SCMH1: variants seen among roughly 807,000 people sequenced by gnomAD.
SCMH1 encodes the protein Scm polycomb group protein homolog 1.
A neutral mutation model predicts 70.8 loss-of-function variants in SCMH1; 37 were observed. The ratio of observed to expected loss-of-function variants is 0.52; its 90% CI spans 0.40 to 0.69. The LOEUF is 0.69. SCMH1 is among the 30% of genes least tolerant of loss of function. The probability of loss-of-function intolerance (pLI) is 0.00; values close to 1 mark genes in which losing one functional copy is unlikely to be tolerated. For synonymous variants in SCMH1, 292 were observed against 307.4 expected, an observed-to-expected ratio of 0.95 and a Z score of 0.52; for missense variants, 607 against 827.3, an observed-to-expected ratio of 0.73 and a Z score of 3.27.
chr1:41,216,128 A>G (rs1236496894), intron 1 of SCMH1, among the ~76,000 whole-genome samples: 1 of 152,202 alleles, frequency 6.6e-6, no homozygotes, highest in Admixed American at 6.5e-5. Context: ...ACAAATTGAA[A>G]TGACAGCCCT....
intron 12 of SCMH1, chr1:41,041,352 A>G (rs1175397057): frequency 6.6e-6 from 1 of 152,244 alleles, no homozygotes; most frequent in African/African-American, 2.4e-5. Context: ...ATGGTGAAAA[A>G]GATATTGTCT....
At chr1:41,050,607 A>G (rs767194545) in intron 10 of SCMH1, among the ~76,000 whole-genome samples, 16 of 152,324 alleles carry the variant, frequency 1.1e-4, no homozygotes, top group Middle Eastern at 6.8e-3. Context: ...GGTAAACAAG[A>G]TGAATTGAAC....
exon 15 of SCMH1, chr1:41,028,102 CA>C: frequency 6.5e-7 from 1 of 1,539,252 alleles, no homozygotes; most frequent in Non-Finnish European, 8.9e-7. Context: ...CCCGGAACCC[CA>C]CTGAGGTGCC....
chr1:41,167,551 T>C (rs1487869488), intron 2 of SCMH1, among the ~76,000 whole-genome samples: 1 of 152,172 alleles, frequency 6.6e-6, no homozygotes, highest in Non-Finnish European at 1.5e-5. Flanking sequence ...TCATTACTCA[T>C]AACTGGACTA....
intron 8 of SCMH1, among the ~76,000 whole-genome samples, chr1:41,098,450 A>C (rs1665683143): frequency 6.6e-6 from 1 of 152,194 alleles, no homozygotes; most frequent in Admixed American, 6.5e-5. Flanking sequence ...TCCTTACAAC[A>C]ACCCTGTGAG....
At chr1:41,122,604 C>T (rs1404746511) in intron 6 of SCMH1, among the ~76,000 whole-genome samples, 1 of 152,122 alleles carries the variant, frequency 6.6e-6, no homozygotes, top group Non-Finnish European at 1.5e-5. Flanking sequence ...TCCACTTAAT[C>T]CACAAAAACA....
At chr1:41,154,800 A>T (rs1158309846) in intron 4 of SCMH1, among the ~76,000 whole-genome samples, 1 of 152,238 alleles carries the variant, frequency 6.6e-6, no homozygotes, top group Non-Finnish European at 1.5e-5. Flanking sequence ...TTATTCCAAC[A>T]TTATAATTCA....
exon 13 of SCMH1, chr1:41,037,431 G>A (rs1194669572): frequency 5.0e-6 from 8 of 1,614,188 alleles, no homozygotes; most frequent in South Asian, 1.1e-5. Flanking sequence ...AGCAAGGGCC[G>A]GTGCCTTTGG....
intron 8 of SCMH1, among the ~76,000 whole-genome samples, chr1:41,088,736 C>G (rs1470466215): frequency 6.6e-6 from 1 of 152,132 alleles, no homozygotes; most frequent in Non-Finnish European, 1.5e-5. Context: ...CTTTAACCAT[C>G]TAAGGAGGAA....
intron 2 of SCMH1, among the ~76,000 whole-genome samples, chr1:41,168,446 T>G (rs1321653628): frequency 6.6e-6 from 1 of 152,150 alleles, no homozygotes; most frequent in Non-Finnish European, 1.5e-5. Flanking sequence ...TTTTTTTAGT[T>G]CAGTTACAGT....
chr1:41,127,252 G>A (rs1239624284), intron 6 of SCMH1, among the ~76,000 whole-genome samples: 1 of 152,020 alleles, frequency 6.6e-6, no homozygotes, highest in African/African-American at 2.4e-5. Flanking sequence ...TTATGAATTA[G>A]GGAGAGTTAT....
At chr1:41,063,578 C>CAA (rs1352791398) in intron 10 of SCMH1, among the ~76,000 whole-genome samples, 1 of 150,274 alleles carries the variant, frequency 6.7e-6, no homozygotes, top group Non-Finnish European at 1.5e-5. Context: ...AACAAACAAA[C>CAA]AAACAAAAAA....
chr1:41,120,516 T>G (rs920618348), intron 6 of SCMH1, among the ~76,000 whole-genome samples: 16 of 152,272 alleles, frequency 1.1e-4, no homozygotes, highest in African/African-American at 3.6e-4. Context: ...CTTTACTATG[T>G]TTCACTACCA....
chr1:41,228,570 C>A (rs967774802), intron 1 of SCMH1, among the ~76,000 whole-genome samples: 13 of 151,662 alleles, frequency 8.6e-5, no homozygotes, highest in African/African-American at 3.2e-4. Flanking sequence ...ATCACTTAAG[C>A]CTAGGAGTTC....
At chr1:41,183,912 C>A (rs1649485913) in intron 2 of SCMH1, among the ~76,000 whole-genome samples, 1 of 151,792 alleles carries the variant, frequency 6.6e-6, no homozygotes, top group African/African-American at 2.4e-5. Flanking sequence ...ACAGATTTAC[C>A]AGTTCAGTCA....
At chr1:41,044,216 G>A (rs527690639) in intron 12 of SCMH1, among the ~76,000 whole-genome samples, 2 of 152,212 alleles carry the variant, frequency 1.3e-5, no homozygotes, top group South Asian at 4.1e-4. Flanking sequence ...AGGAAAGGGG[G>A]AGGGCCAGTA....
intron 8 of SCMH1, among the ~76,000 whole-genome samples, chr1:41,089,210 T>C (rs1662603129): frequency 6.6e-6 from 1 of 152,258 alleles, no homozygotes; most frequent in African/African-American, 2.4e-5. Flanking sequence ...GAAATTTCCC[T>C]TAAACTTCTT....
intron 10 of SCMH1, among the ~76,000 whole-genome samples, chr1:41,053,667 T>C (rs932784875): frequency 1.3e-5 from 2 of 152,162 alleles, no homozygotes; most frequent in African/African-American, 4.8e-5. Flanking sequence ...CAAAAGATTA[T>C]TGGGACAGAT....
At chr1:41,204,549 G>A (rs12728074) in intron 1 of SCMH1, among the ~76,000 whole-genome samples, 19 of 152,166 alleles carry the variant, frequency 1.2e-4, no homozygotes, top group Middle Eastern at 3.4e-3. Flanking sequence ...TCCTGTTGGA[G>A]GCCAAGTTCC....
Sources: allele counts gnomAD v4.1 joint callset (sites outside exome capture counted in the v4.1 genomes callset), GRCh38; gene constraint gnomAD v4.1.1; transcripts MANE v1.5; gene names NCBI Gene and HGNC (gene_info 2026-07-23, HGNC 2026-07-21).